Variants in EEFSEC observed in about 807,000 individuals in gnomAD.
The protein encoded by EEFSEC is selenocysteine-specific elongation factor.
In EEFSEC, 43 loss-of-function variants were observed where a neutral mutation model predicts 42.1. The observed-to-expected ratio is 1.02, with a 90% CI of 0.80 to 1.32. The LOEUF (loss-of-function observed/expected upper bound fraction) is 1.32, where lower values mean the gene tolerates loss of function less well. Among genes scored for constraint, EEFSEC ranks in the 40% most tolerant of loss-of-function variants. The pLI is 0.00. For missense variants in EEFSEC, 745 were observed against 803.6 expected (o/e 0.93, Z 0.88); for synonymous variants, 354 against 339.1 (o/e 1.04, Z -0.48).
chr3:128,171,613 G>A (rs1252071627), intron 1 of EEFSEC, among the ~76,000 whole-genome samples: 1 of 152,116 alleles, frequency 6.6e-6, no homozygotes, highest in African/African-American at 2.4e-5. Flanking sequence ...CAAGTTCACA[G>A]TATTAACCAA....
chr3:128,211,831 T>A (rs2065759092), intron 1 of EEFSEC, among the ~76,000 whole-genome samples: 1 of 146,444 alleles, frequency 6.8e-6, no homozygotes, highest in Middle Eastern at 3.2e-3. Context: ...TACATATACT[T>A]CTTTTCTTTT....
At chr3:128,345,371 A>G (rs2067300980) in intron 5 of EEFSEC, among the ~76,000 whole-genome samples, 1 of 152,164 alleles carries the variant, frequency 6.6e-6, no homozygotes, top group Admixed American at 6.5e-5. Context: ...ATCAGGAGCC[A>G]CACAGTTTTG....
At chr3:128,311,841 T>G (rs2108021020) in intron 4 of EEFSEC, among the ~76,000 whole-genome samples, 1 of 152,270 alleles carries the variant, frequency 6.6e-6, no homozygotes, top group Middle Eastern at 3.4e-3. Flanking sequence ...AAAATCCAGC[T>G]CTTACGTCCC....
intron 4 of EEFSEC, among the ~76,000 whole-genome samples, chr3:128,324,721 G>A (rs149305626): frequency 6.6e-6 from 1 of 152,224 alleles, no homozygotes; most frequent in Non-Finnish European, 1.5e-5. Context: ...TGCATGGTCT[G>A]GCTGTACCAG....
chr3:128,281,268 G>T (rs1472931836), intron 4 of EEFSEC, among the ~76,000 whole-genome samples: 1 of 152,198 alleles, frequency 6.6e-6, no homozygotes, highest in African/African-American at 2.4e-5. Flanking sequence ...CATCCCTGGA[G>T]CTGGCCCCTA....
intron 4 of EEFSEC, among the ~76,000 whole-genome samples, chr3:128,321,096 G>T (rs1032374012): frequency 6.6e-6 from 1 of 152,200 alleles, no homozygotes; most frequent in African/African-American, 2.4e-5. Context: ...GGGGTGCCAG[G>T]CAGCCTTGGA....
At chr3:128,243,211 A>G (rs1395831181) in intron 1 of EEFSEC, among the ~76,000 whole-genome samples, 1 of 152,210 alleles carries the variant, frequency 6.6e-6, no homozygotes, top group Non-Finnish European at 1.5e-5. Context: ...GGTCCGCTCA[A>G]GAGCCTGGCC....
At chr3:128,318,572 C>T (rs559011024) in intron 4 of EEFSEC, among the ~76,000 whole-genome samples, 9 of 152,316 alleles carry the variant, frequency 5.9e-5, no homozygotes, top group African/African-American at 1.7e-4. Context: ...TTAGAAATGG[C>T]GGGCCCCTCC....
chr3:128,398,101 G>A (rs185867342), intron 6 of EEFSEC, among the ~76,000 whole-genome samples: 9 of 152,336 alleles, frequency 5.9e-5, no homozygotes, highest in Admixed American at 3.3e-4. Flanking sequence ...GGGTGCACAC[G>A]GGCTGAGGTC....
intron 1 of EEFSEC, among the ~76,000 whole-genome samples, chr3:128,213,972 C>T (rs2065784851): frequency 6.6e-6 from 1 of 152,050 alleles, no homozygotes; most frequent in Non-Finnish European, 1.5e-5. Flanking sequence ...AAACTAAAGA[C>T]AACAAATCTG....
chr3:128,350,526 A>C (rs1406612268), intron 5 of EEFSEC, among the ~76,000 whole-genome samples: 2 of 152,240 alleles, frequency 1.3e-5, no homozygotes, highest in African/African-American at 4.8e-5. Context: ...GGAGATGATC[A>C]AATGGCTGCC....
chr3:128,165,347 A>G (rs2065233758), intron 1 of EEFSEC, among the ~76,000 whole-genome samples: 1 of 152,228 alleles, frequency 6.6e-6, no homozygotes, highest in Non-Finnish European at 1.5e-5. Context: ...GGAACACTTT[A>G]TATATAAATC....
At chr3:128,284,057 G>C (rs1018275805) in intron 4 of EEFSEC, among the ~76,000 whole-genome samples, 2 of 152,098 alleles carry the variant, frequency 1.3e-5, no homozygotes, top group African/African-American at 2.4e-5. Flanking sequence ...TAACATACAC[G>C]GCTACACCAT....
intron 1 of EEFSEC, among the ~76,000 whole-genome samples, chr3:128,234,280 T>C (rs937207021): frequency 2.6e-5 from 4 of 152,170 alleles, no homozygotes; most frequent in Non-Finnish European, 4.4e-5. Flanking sequence ...GTTGAACTCC[T>C]GACCTCAAGT....
chr3:128,168,455 T>TAA (rs544414511), intron 1 of EEFSEC, among the ~76,000 whole-genome samples: 1 of 151,974 alleles, frequency 6.6e-6, no homozygotes, highest in Non-Finnish European at 1.5e-5. Flanking sequence ...GCTTGCATGG[T>TAA]AAAAAAAACT....
rs529289798 is a variant in EEFSEC at position 128,178,653 on chromosome 3, C to T, written c.316+24830C>T. Reference sequence around the variant, plus strand: ...CTGTTTGCTGTTTCAAAAATTCATACTGAATCTTTACAATGAAACATTTGT... The same window carrying T: ...CTGTTTGCTGTTTCAAAAATTCATATTGAATCTTTACAATGAAACATTTGT... On this transcript the variant is annotated intron_variant, in intron 1 of 6. Coordinates refer to ENST00000254730, the MANE Select transcript of EEFSEC (RefSeq NM_021937.5). 7.9e-5 allele frequency among the ~76,000 whole-genome samples: 12 copies of T among 152,246 alleles called. No homozygotes were observed. In the South Asian group the frequency reaches 2.3e-3, roughly 29 times the overall value.
At chr3:128,408,997 T>C (rs2068155146), downstream of EEFSEC, among the ~76,000 whole-genome samples, 1 of 152,142 alleles carries the variant, frequency 6.6e-6, no homozygotes, top group African/African-American at 2.4e-5. Flanking sequence ...CCTCAGCCCC[T>C]GCCCTCAAGT....
intron 6 of EEFSEC, among the ~76,000 whole-genome samples, chr3:128,390,121 A>G (rs1235228786): frequency 2.0e-5 from 3 of 152,242 alleles, no homozygotes; most frequent in Admixed American, 2.0e-4. Context: ...GCTTTGCCTC[A>G]TGAACAGTCC....
chr3:128,307,489 C>G (rs1031513323), intron 4 of EEFSEC, among the ~76,000 whole-genome samples: 3 of 152,196 alleles, frequency 2.0e-5, no homozygotes, highest in African/African-American at 7.2e-5. Flanking sequence ...GGCCTGGCTC[C>G]CACAGGGTGC....
Sources: allele counts gnomAD v4.1 joint callset (sites outside exome capture counted in the v4.1 genomes callset), GRCh38; gene constraint gnomAD v4.1.1; transcripts MANE v1.5; gene names NCBI Gene and HGNC (gene_info 2026-07-23, HGNC 2026-07-21).